The following OSBPL11 variants were observed in gnomAD, a reference collection of about 807,000 sequenced individuals.
OSBPL11 encodes the protein oxysterol-binding protein-related protein 11.
A neutral mutation model predicts 84.4 loss-of-function variants in OSBPL11; 33 were observed. That is an observed-to-expected ratio of 0.39 (90% CI 0.30 to 0.52). The LOEUF is 0.52. Among genes scored for constraint, OSBPL11 ranks in the 20% least tolerant of loss-of-function variants. The probability of loss-of-function intolerance (pLI) is 0.72; values close to 1 mark genes in which losing one functional copy is unlikely to be tolerated. For synonymous variants in OSBPL11, 276 were observed against 310.2 expected (o/e 0.89, Z 1.16); for missense variants, 736 against 901.1 (o/e 0.82, Z 2.35).
rs1935924742 is a variant in OSBPL11, at chr3:125,552,365, C to T, written c.1470G>A (p.Glu490=). 2 of 1,613,958 alleles carry T rather than the reference C, an allele frequency of 1.2e-6. No homozygotes were observed. Among genetic ancestry groups the T allele is most frequent in the Admixed American group, 1.7e-5 (1 of 59,986 alleles). The change falls in exon 9 of 13, where the codon GAG becomes GAA. Residue 490 remains glutamate (E), a synonymous_variant. Transcript: ENST00000296220. ...AGTCTGATCCCACCTGGGTCAAAGA[C>T]TCCCCCGATAAAGGAGCATGATTTG... The part of the protein sequence containing the change: ...GVTNHAPLSG[E]SLTQVGSDCY...
intron 7 of OSBPL11, among the ~76,000 whole-genome samples, chr3:125,563,312 G>C (rs1371082281): frequency 6.6e-6 from 1 of 151,992 alleles, no homozygotes; most frequent in Non-Finnish European, 1.5e-5. Context: ...CTATGAAAAA[G>C]ACTCAACTTT....
intron 11 of OSBPL11, among the ~76,000 whole-genome samples, chr3:125,535,438 T>C (rs12488641): frequency 8.8e-4 from 99 of 112,962 alleles, no homozygotes; most frequent in East Asian, 1.9e-3. Context: ...TTCAGAAGCA[T>C]CTTTTTTTTT....
At position 125,579,845 on chromosome 3, in the gene OSBPL11, T is replaced by C. The variant is rs1936393459; in HGVS notation, c.409+20A>G. 6.2e-7 allele frequency: 1 copy of C among 1,609,530 alleles called. No individual in the cohort carries two copies. The highest frequency in any genetic ancestry group is 8.5e-7 in the Non-Finnish European group (1 of 1,176,190). ...AAAAAGAGGAAAATCACAGTATTAA[T>C]TCTCATATTTTGGTCATACCTCTGA... On this transcript the variant is annotated intron_variant, in intron 3 of 12. Transcript: ENST00000296220.
chr3:125,547,661 A>G (rs1032086812), intron 9 of OSBPL11, 69 bp from the exon 10 acceptor site: 3 of 1,264,816 alleles, frequency 2.4e-6, no homozygotes, highest in Non-Finnish European at 3.3e-6. Context: ...ATCCATATTA[A>G]TTTTGTTCTT....
intron 2 of OSBPL11, 24 bp downstream of exon 2, chr3:125,582,886 T>C (rs1195908634): frequency 6.5e-7 from 1 of 1,535,026 alleles, no homozygotes; most frequent in South Asian, 1.2e-5. Context: ...GAGAGACTGA[T>C]GTGACACAAA....
chr3:125,547,790 A>G (rs1159931330), intron 9 of OSBPL11, among the ~76,000 whole-genome samples, 198 bp from the exon 10 acceptor site: 1 of 152,228 alleles, frequency 6.6e-6, no homozygotes, highest in Non-Finnish European at 1.5e-5. Context: ...TACTTTCACT[A>G]TGACATGACC....
At chr3:125,586,454 T>C (rs1334594757) in intron 1 of OSBPL11, among the ~76,000 whole-genome samples, 1 of 152,230 alleles carries the variant, frequency 6.6e-6, no homozygotes, top group East Asian at 1.9e-4. Context: ...TCATTTTCTC[T>C]TAAATATCTT....
At chr3:125,591,944 G>A (rs7616473) in intron 1 of OSBPL11, among the ~76,000 whole-genome samples, 2 of 152,250 alleles carry the variant, frequency 1.3e-5, no homozygotes, top group East Asian at 3.9e-4. Context: ...CAAGGCTGCA[G>A]TGAGCTATGA....
At chr3:125,588,400 T>C (rs1295229163) in intron 1 of OSBPL11, among the ~76,000 whole-genome samples, 4 of 152,174 alleles carry the variant, frequency 2.6e-5, no homozygotes, top group African/African-American at 9.7e-5. Flanking sequence ...CTCCAGCTTG[T>C]AGACAACTGA....
chr3:125,535,498 C>CAGTGAA (rs1447906989), intron 11 of OSBPL11, among the ~76,000 whole-genome samples: 1 of 129,562 alleles, frequency 7.7e-6, no homozygotes, highest in East Asian at 2.3e-4. Context: ...GGCTAGAGTG[C>CAGTGAA]AGTGGTTCAA....
In OSBPL11 at chr3:125,595,240, G is replaced by A. The variant is rs1180080180; in HGVS notation, c.-440C>T. 1 of 155,638 alleles carries A rather than the reference G, an allele frequency of 6.4e-6. No homozygotes were observed. Among genetic ancestry groups the A allele is most frequent in the Admixed American group, 6.4e-5 (1 of 15,574 alleles). 9.6% of individuals were successfully genotyped at this position (155,638 alleles called of 1,614,324 possible). Reference sequence around the variant, plus strand: ...CCTCGTCTCCTCCGCAGGTCCTCAGGCAGTGCGTCCAGTCAAGCCCGCTCG... The same window carrying A: ...CCTCGTCTCCTCCGCAGGTCCTCAGACAGTGCGTCCAGTCAAGCCCGCTCG... On this transcript the variant is annotated 5_prime_UTR_variant, in exon 1 of 13. Transcript: ENST00000296220.
rs1323368751 is a variant in OSBPL11 at position 125,576,243 on chromosome 3, T to C, written c.612A>G (p.Gln204=). 1.4e-5 allele frequency: 23 copies of C among 1,611,550 alleles called. No homozygotes were observed. Among genetic ancestry groups the C allele is most frequent in the Middle Eastern group, 1.6e-4 (1 of 6,078 alleles). ...GTAAATTAGTTCTTTTGCTCAGTGATTGCAGTTTGGAATGTCCAACATTAA... is the reference window on the plus strand; with the variant it reads ...GTAAATTAGTTCTTTTGCTCAGTGACTGCAGTTTGGAATGTCCAACATTAA... ...SFFNVGHSKL[Q]SLSKRTNLPP... Residue 204 remains glutamine (Q), a synonymous_variant, in exon 5 of 13, where the codon CAA becomes CAG. Coordinates refer to ENST00000296220, the MANE Select transcript of OSBPL11 (RefSeq NM_022776.5).
intron 1 of OSBPL11, among the ~76,000 whole-genome samples, chr3:125,590,262 C>G (rs182652580): frequency 6.6e-6 from 1 of 152,222 alleles, no homozygotes; most frequent in Admixed American, 6.5e-5. Flanking sequence ...TTTAATTTTT[C>G]AAAAGGGCCA....
At chr3:125,558,441 CT>C (rs1936025260) in intron 8 of OSBPL11, among the ~76,000 whole-genome samples, 2 of 152,172 alleles carry the variant, frequency 1.3e-5, no homozygotes, top group African/African-American at 4.8e-5. Context: ...ATAATGAAAG[CT>C]TTATGGGTTT....
intron 9 of OSBPL11, among the ~76,000 whole-genome samples, chr3:125,551,856 T>A (rs529104295): frequency 3.7e-4 from 57 of 152,138 alleles, no homozygotes; most frequent in African/African-American, 1.3e-3. Context: ...TTTACATTAG[T>A]TCATAGATAT....
At chr3:125,553,098 T>C (rs1040618821) in intron 8 of OSBPL11, among the ~76,000 whole-genome samples, 11 of 151,948 alleles carry the variant, frequency 7.2e-5, no homozygotes, top group Admixed American at 3.9e-4. Flanking sequence ...AGCAACAGAG[T>C]GAGACCCTGT....
chr3:125,548,945 T>C (rs1336054509), intron 9 of OSBPL11, among the ~76,000 whole-genome samples: 1 of 152,056 alleles, frequency 6.6e-6, no homozygotes, highest in Non-Finnish European at 1.5e-5. Context: ...TATTGAGCCA[T>C]TTCCCAAAAA....
Position 125,560,507 on chromosome 3 carries a change from T to C in OSBPL11, c.1027A>G (p.Ile343Val), listed in dbSNP as rs1936060456. The C allele has an allele frequency of 1.3e-6, 2 of 1,575,030 alleles. No individual in the cohort carries two copies. The highest frequency in any genetic ancestry group is 1.2e-5 in the South Asian group (1 of 82,780). The change falls in exon 8 of 13, where the codon ATA becomes GTA. Residue 343 changes from isoleucine to valine, a missense_variant. Coordinates refer to ENST00000296220, the MANE Select transcript of OSBPL11 (RefSeq NM_022776.5). ...SGLLAREPEEINADDEIEDTC... is the reference protein window; with the variant it reads ...SGLLAREPEEVNADDEIEDTC... ...TCCTCTATCTCATCATCTGCATTTATTTCTTCAGGCTCCTTGATGGAAAAC... is the reference window on the plus strand; with the variant it reads ...TCCTCTATCTCATCATCTGCATTTACTTCTTCAGGCTCCTTGATGGAAAAC...
intron 1 of OSBPL11, 87 bp from the exon 2 acceptor site, chr3:125,583,065 T>A: frequency 1.1e-6 from 1 of 870,568 alleles, no homozygotes. Flanking sequence ...TAGCTGCAGA[T>A]ACATATATGC....
Sources: allele counts gnomAD v4.1 joint callset (sites outside exome capture counted in the v4.1 genomes callset), GRCh38; gene constraint gnomAD v4.1.1; transcripts MANE v1.5; gene names NCBI Gene and HGNC (gene_info 2026-07-23, HGNC 2026-07-21).